NEK1: variants seen among roughly 807,000 people sequenced by gnomAD.
The protein encoded by NEK1 is serine/threonine-protein kinase Nek1.
A neutral mutation model predicts 182.1 loss-of-function variants in NEK1; 137 were observed. That is an observed-to-expected ratio of 0.75 (90% CI 0.65 to 0.87). The LOEUF is 0.87. NEK1 is among the 40% of genes least tolerant of loss of function. The probability of loss-of-function intolerance (pLI) is 0.00; values close to 1 mark genes in which losing one functional copy is unlikely to be tolerated. For synonymous variants in NEK1, 513 were observed against 492.2 expected, an observed-to-expected ratio of 1.04 and a Z score of -0.56; for missense variants, 1,391 against 1,494.4, an observed-to-expected ratio of 0.93 and a Z score of 1.14.
chr4:169,523,728 A>G (rs970294373), intron 19 of NEK1, among the ~76,000 whole-genome samples: 1 of 151,880 alleles, frequency 6.6e-6, no homozygotes, highest in African/African-American at 2.4e-5. Context: ...GCCTGGCATA[A>G]TAAGCTTTCA....
intron 35 of NEK1, 59 bp downstream of exon 35, chr4:169,400,166 T>C (rs920139711): frequency 2.2e-5 from 32 of 1,430,626 alleles, no homozygotes; most frequent in Non-Finnish European, 3.1e-5. Context: ...CATATACATG[T>C]ATCATCTTGT....
Position 169,542,144 on chromosome 4 carries a change from G to A in NEK1, c.1563-4233C>T, listed in dbSNP as rs996950896. Among the ~76,000 whole-genome samples, 83 of 152,104 alleles carry A rather than the reference G, an allele frequency of 5.5e-4. 1 individual carries two copies. The highest frequency in any genetic ancestry group is 1.2e-4 in the Non-Finnish European group (8 of 68,004). On this transcript the variant is annotated intron_variant, in intron 18 of 35. Coordinates refer to ENST00000507142, the MANE Select transcript of NEK1 (RefSeq NM_001199397.3). ...CATCAACCTGTCATCTACATTAGGT[G>A]TTTCTCCAGATGCTATCCATCCCCT...
intron 23 of NEK1, among the ~76,000 whole-genome samples, chr4:169,481,499 G>A (rs1747995666): frequency 6.6e-6 from 1 of 152,168 alleles, no homozygotes; most frequent in African/African-American, 2.4e-5. Context: ...GTGTTAGCAG[G>A]CATGAAAACA....
intron 2 of NEK1, among the ~76,000 whole-genome samples, chr4:169,611,676 G>A (rs1241054693): frequency 6.6e-6 from 1 of 152,130 alleles, no homozygotes; most frequent in Non-Finnish European, 1.5e-5. Flanking sequence ...AGATTACAGG[G>A]TAACCAGCTA....
rs1767930173 is a variant in NEK1, at chr4:169,588,727, T to A, written c.473A>T (p.Glu158Val). The change falls in exon 8 of 36, where the codon GAG (glutamate) becomes GTG (valine). Residue 158 changes from glutamate to valine, a missense_variant. Physicochemically the swap from Glu to Val is moderately radical, Grantham distance 121. Transcript: ENST00000507142. Reference protein sequence around the residue: ...GIARVLNSTVELARTCIGTPY... With the variant: ...GIARVLNSTVVLARTCIGTPY... The stretch of plus-strand genomic sequence containing the variant: ...GGTCCCTATGCAAGTTCGAGCCAGC[T>A]CTACAGTACTAGAAGAAAAATAAAA... 3 of 1,541,750 alleles carry A rather than the reference T, an allele frequency of 1.9e-6. No homozygotes were observed. Among genetic ancestry groups the A allele is most frequent in the Non-Finnish European group, 1.8e-6 (2 of 1,137,988 alleles).
intron 11 of NEK1, among the ~76,000 whole-genome samples, chr4:169,578,937 AACATAC>A (rs1235488017): frequency 2.0e-5 from 3 of 152,340 alleles, no homozygotes; most frequent in East Asian, 3.9e-4. Context: ...ATCAAATTAG[AACATAC>A]ACATACACAT....
At chr4:169,405,752 G>A (rs1308172662) in intron 32 of NEK1, among the ~76,000 whole-genome samples, 2 of 151,886 alleles carry the variant, frequency 1.3e-5, no homozygotes, top group African/African-American at 4.8e-5. Flanking sequence ...TTCCACCTCA[G>A]CCTCCTGAGT....
intron 12 of NEK1, among the ~76,000 whole-genome samples, chr4:169,565,166 T>C (rs532142419): frequency 2.8e-4 from 42 of 152,180 alleles, no homozygotes; most frequent in Non-Finnish European, 2.2e-4. Flanking sequence ...ATAAAAACAA[T>C]ACTGAAATAT....
intron 24 of NEK1, among the ~76,000 whole-genome samples, chr4:169,478,698 A>C (rs1247711432): frequency 6.6e-6 from 1 of 152,146 alleles, no homozygotes; most frequent in Non-Finnish European, 1.5e-5. Flanking sequence ...ATCCATTACC[A>C]GGAAAGGGGA....
chr4:169,602,020 C>A lies in NEK1; in HGVS notation c.202G>T (p.Glu68Ter). The change falls in exon 4 of 36, where the codon GAA becomes TAA. Residue 68 changes from glutamate to a stop codon, truncating the protein, a stop_gained. Coordinates refer to ENST00000507142, the MANE Select transcript of NEK1 (RefSeq NM_001199397.3). LOFTEE classifies it high-confidence loss of function. ...TAATTTATCTGACCTTCAAATGATT[C>A]TCTATACTGGACAATATTTGGATGC... The part of the protein sequence containing the change: ...MKHPNIVQYR[E>*]SFEENGSLYI... The A allele has an allele frequency of 6.2e-7, 1 of 1,609,340 alleles. No individual in the cohort carries two copies. Among genetic ancestry groups the A allele is most frequent in the South Asian group, 1.1e-5 (1 of 90,800 alleles).
intron 23 of NEK1, among the ~76,000 whole-genome samples, chr4:169,493,892 C>A (rs1277225231): frequency 6.6e-6 from 1 of 152,108 alleles, no homozygotes; most frequent in African/African-American, 2.4e-5. Flanking sequence ...TGAAAAATTT[C>A]CCCAATCTTC....
chr4:169,569,949 G>A (rs1446848978), intron 12 of NEK1, among the ~76,000 whole-genome samples: 3 of 151,966 alleles, frequency 2.0e-5, no homozygotes, highest in Non-Finnish European at 4.4e-5. Context: ...CTGCCTGGCC[G>A]CCCATCGTCT....
At chr4:169,560,877 T>C (rs1467066693) in intron 16 of NEK1, among the ~76,000 whole-genome samples, 3 of 152,108 alleles carry the variant, frequency 2.0e-5, no homozygotes, top group Non-Finnish European at 4.4e-5. Context: ...AGAAGGAATG[T>C]TTAGATTAAC....
intron 12 of NEK1, among the ~76,000 whole-genome samples, chr4:169,563,213 T>C (rs1561420484): frequency 6.6e-6 from 1 of 151,878 alleles, no homozygotes; most frequent in Non-Finnish European, 1.5e-5. Context: ...TTTTTAAAAA[T>C]TAGCCAGGCA....
chr4:169,406,572 G>A, intron 32 of NEK1, 24 bp downstream of exon 32: 1 of 1,517,086 alleles, frequency 6.6e-7, no homozygotes, highest in Non-Finnish European at 8.8e-7. Context: ...TTTTAATGCT[G>A]TTTACTAATG....
chr4:169,592,031 C>T (rs1008379391), intron 5 of NEK1, among the ~76,000 whole-genome samples: 8 of 150,784 alleles, frequency 5.3e-5, no homozygotes, highest in Admixed American at 6.6e-5. Flanking sequence ...TAAACTCCCT[C>T]ACAAATTAAA....
chr4:169,530,376 T>C (rs1256551773), intron 19 of NEK1, among the ~76,000 whole-genome samples: 1 of 152,154 alleles, frequency 6.6e-6, no homozygotes, highest in African/African-American at 2.4e-5. Context: ...AAATGTACCT[T>C]AAGTACCCAT....
At chr4:169,530,614 T>C (rs1467359942) in intron 19 of NEK1, among the ~76,000 whole-genome samples, 1 of 151,448 alleles carries the variant, frequency 6.6e-6, no homozygotes, top group Non-Finnish European at 1.5e-5. Flanking sequence ...TTTATCAAAA[T>C]GTAACCCCAT....
intron 5 of NEK1, among the ~76,000 whole-genome samples, chr4:169,595,634 T>A (rs1235406338): frequency 6.6e-6 from 1 of 152,062 alleles, no homozygotes; most frequent in Non-Finnish European, 1.5e-5. Context: ...GAAATATATG[T>A]GGAACCAGGC....
Sources: allele counts gnomAD v4.1 joint callset (sites outside exome capture counted in the v4.1 genomes callset), GRCh38; gene constraint gnomAD v4.1.1; transcripts MANE v1.5; gene names NCBI Gene and HGNC (gene_info 2026-07-23, HGNC 2026-07-21).